ZNF862: variants seen among roughly 807,000 people sequenced by gnomAD.
ZNF862 encodes zinc finger protein 862.
In ZNF862, 64 loss-of-function variants were observed where a neutral mutation model predicts 91.1. The ratio of observed to expected loss-of-function variants is 0.70; its 90% CI spans 0.57 to 0.87. ZNF862 has a LOEUF of 0.87. Among genes scored for constraint, ZNF862 ranks in the 40% least tolerant of loss-of-function variants. The pLI, the probability that ZNF862 is intolerant of heterozygous loss-of-function variation, is 0.00. For missense variants in ZNF862, 1,459 were observed against 1,528.0 expected (o/e 0.95, Z 0.75); for synonymous variants, 631 against 618.1 (o/e 1.02, Z -0.31).
At position 149,846,199 on chromosome 7, in the gene ZNF862, C is replaced by T; in HGVS notation, c.185C>T (p.Pro62Leu). The change falls in exon 3 of 8, where the codon CCA (proline) becomes CTA (leucine). Residue 62 changes from proline (P) to leucine (L), a missense_variant. Coordinates refer to ENST00000223210, the MANE Select transcript of ZNF862 (RefSeq NM_001099220.3). ...CTGTTCCGCAAGTTCGGACGAGGGC[C>T]AGAGCCATGGCTTGGCAGCGTCCAG... ...PELFRKFGRGPEPWLGSVQGQ... is the reference protein window; with the variant it reads ...PELFRKFGRGLEPWLGSVQGQ... 6.2e-7 allele frequency: 1 copy of T among 1,613,828 alleles called. No individual in the cohort carries two copies. The highest frequency in any genetic ancestry group is 8.5e-7 in the Non-Finnish European group (1 of 1,179,850).
At chr7:149,841,919 T>C (rs763831891) in intron 1 of ZNF862, among the ~76,000 whole-genome samples, 6 of 152,196 alleles carry the variant, frequency 3.9e-5, no homozygotes, top group African/African-American at 7.2e-5. Context: ...GTAATAAATG[T>C]GTGTTGAATG....
intron 2 of ZNF862, 123 bp downstream of exon 2, chr7:149,844,859 C>A: frequency 1.5e-6 from 1 of 666,400 alleles, no homozygotes; most frequent in South Asian, 1.8e-5. Context: ...CATCTTTACT[C>A]CACCTGTCTG....
chr7:149,859,549 C>A, intron 6 of ZNF862, 23 bp downstream of exon 6: 1 of 1,535,942 alleles, frequency 6.5e-7, no homozygotes, highest in Non-Finnish European at 8.8e-7. Flanking sequence ...CTACAGCATT[C>A]TGAAGGACAT....
intron 1 of ZNF862, chr7:149,841,789 T>C: frequency 1.0e-6 from 1 of 982,102 alleles, no homozygotes. Context: ...TACTCCTTTC[T>C]CATTTTTTTC....
chr7:149,849,383 C>T (rs528018745), intron 4 of ZNF862, among the ~76,000 whole-genome samples: 12 of 152,206 alleles, frequency 7.9e-5, no homozygotes, highest in Admixed American at 1.3e-4. Context: ...AGTACTCTAG[C>T]GCCCACCTTA....
chr7:149,847,807 C>T lies in ZNF862; in HGVS notation c.314C>T (p.Pro105Leu), dbSNP rs768014175. Residue 105 changes from proline (P) to leucine (L), a missense_variant, in exon 4 of 8, where the codon CCG becomes CTG. Transcript: ENST00000223210. The part of the protein sequence containing the change: ...GPTRESGQSL[P>L]PQKKAYLSHL... ...ACCAGGGAGAGTGGACAGTCCCTCC[C>T]GCCTCAGAAGAAAGCCTACCTTTCC... is the stretch of plus-strand genomic sequence containing the variant. 55 of 1,613,682 alleles carry T rather than the reference C, an allele frequency of 3.4e-5. No individual in the cohort carries two copies. The South Asian group carries it at 3.6e-4, about 11-fold the overall frequency.
rs769634443 is a variant in ZNF862, at chr7:149,861,182, C to T, written c.2022C>T (p.Ile674=). ...SETADGYFET[I]VSALDELDIP... ...CAGCAGATGGGTACTTCGAGACCAT[C>T]GTTTCTGCCCTGGATGAGCTGGACA... Residue 674 remains isoleucine (I), a synonymous_variant, in exon 7 of 8, where the codon ATC becomes ATT. Coordinates refer to ENST00000223210, the MANE Select transcript of ZNF862 (RefSeq NM_001099220.3). This position sits in a 1 kb window ranked among gnomAD's most constrained non-coding sequence, Gnocchi z 6.7. 1.4e-5 allele frequency: 22 copies of T among 1,612,676 alleles called. No homozygotes were observed. Among genetic ancestry groups the T allele is most frequent in the South Asian group, 6.6e-5 (6 of 90,952 alleles).
Position 149,866,461 on chromosome 7 carries a change from C to T in ZNF862, c.*2177C>T, listed in dbSNP as rs10224299. The T allele has an allele frequency of 0.051, 7,752 of 152,254 alleles. 639 individuals carry two copies. The highest frequency in any genetic ancestry group is 0.18 in the African/African-American group (7,322 of 41,490). 9.4% of individuals were successfully genotyped at this position (152,254 alleles called of 1,614,324 possible). On this transcript the variant is annotated 3_prime_UTR_variant, in exon 8 of 8. Transcript: ENST00000223210. ...GCTGTTCCAGCACACATGCTTCCTG[C>T]GGCCTCTTCATCCTTGAAGAATCCC...
In ZNF862 at chr7:149,864,419, C is replaced by A. The variant is rs575406810; in HGVS notation, c.*135C>A. On this transcript the variant is annotated 3_prime_UTR_variant, in exon 8 of 8. Coordinates refer to ENST00000223210, the MANE Select transcript of ZNF862 (RefSeq NM_001099220.3). ...AGCACCAGGAAGTGGGCAGTGGCAT[C>A]CCAGAGCAGCAGGGGTATCAGGAGG... 3.3e-6 allele frequency: 3 copies of A among 895,850 alleles called. No individual in the cohort carries two copies. The highest frequency in any genetic ancestry group is 5.0e-6 in the Non-Finnish European group (3 of 603,678). The allele number at this position is 895,850 out of a possible 1,614,324, so 55.5% of individuals were successfully genotyped here. A position where few individuals can be genotyped will look rare whatever the true frequency, so the allele number is the denominator to read the frequency against.
intron 2 of ZNF862, chr7:149,845,041 T>C (rs1563116598): frequency 6.1e-6 from 2 of 325,996 alleles, no homozygotes; most frequent in Admixed American, 4.8e-5. Flanking sequence ...ACTCGGAAAC[T>C]AGGCCTGTGG....
At chr7:149,840,866 C>T in intron 1 of ZNF862, 1 of 850,658 alleles carries the variant, frequency 1.2e-6, no homozygotes, top group Non-Finnish European at 1.4e-6. Flanking sequence ...GACAGAACTG[C>T]CTAAGGACAC....
chr7:149,841,826 T>C, intron 1 of ZNF862: 1 of 904,118 alleles, frequency 1.1e-6, no homozygotes, highest in Non-Finnish European at 1.3e-6. Context: ...ATTGCACTTA[T>C]ATCTTAGTTG....
intron 5 of ZNF862, among the ~76,000 whole-genome samples, chr7:149,857,466 A>G (rs1484833901): frequency 6.6e-6 from 1 of 151,982 alleles, no homozygotes; most frequent in Non-Finnish European, 1.5e-5. Flanking sequence ...TTTTCTTTCT[A>G]GGAATATTAA....
intron 1 of ZNF862, chr7:149,841,497 T>C: frequency 1.0e-6 from 1 of 982,574 alleles, no homozygotes; most frequent in East Asian, 1.1e-4. Context: ...ATTTGTTGAC[T>C]TGACTCTTAC....
At chr7:149,853,910 C>T (rs533589227) in intron 5 of ZNF862, among the ~76,000 whole-genome samples, 46 of 150,810 alleles carry the variant, frequency 3.1e-4, no homozygotes, top group African/African-American at 1.0e-3. Flanking sequence ...TGTACTCCAG[C>T]CTGGGCGACA....
intron 1 of ZNF862, among the ~76,000 whole-genome samples, chr7:149,840,533 A>G (rs1400442675): frequency 2.0e-5 from 3 of 152,168 alleles, no homozygotes; most frequent in African/African-American, 7.2e-5. Context: ...CTAGGCCTTC[A>G]CATTCTCTCA....
At position 149,846,381 on chromosome 7, in the gene ZNF862, A is replaced by G. The variant is rs1462739658; in HGVS notation, c.241+126A>G. 1.4e-5 allele frequency: 10 copies of G among 695,284 alleles called. No homozygotes were observed. In the South Asian group the frequency reaches 1.5e-4, roughly 10 times the overall value. The allele number at this position is 695,284 out of a possible 1,614,324, so 43.1% of individuals were successfully genotyped here. A position where few individuals can be genotyped will look rare whatever the true frequency, so the allele number is the denominator to read the frequency against. ...CAACTGACACTGCTGTTCTCCTCCC[A>G]GGTGCCATCTGATTAATACCTAAAT... On this transcript the variant is annotated intron_variant, in intron 3 of 7. Transcript: ENST00000223210.
chr7:149,864,318 G>A lies in ZNF862; in HGVS notation c.*34G>A, dbSNP rs763000319. ...GAGTCCTTGGGACTGCCTTGGAGAC[G>A]CCTCTGTGATCACTGGGACAGGCTC... is the stretch of plus-strand genomic sequence containing the variant. On this transcript the variant is annotated 3_prime_UTR_variant, in exon 8 of 8. Coordinates refer to ENST00000223210, the MANE Select transcript of ZNF862 (RefSeq NM_001099220.3). The A allele has an allele frequency of 1.2e-5, 19 of 1,558,426 alleles. No individual in the cohort carries two copies. The highest frequency in any genetic ancestry group is 3.8e-5 in the Admixed American group (2 of 52,322).
At chr7:149,841,749 C>T (rs533189712) in intron 1 of ZNF862, 1 of 985,144 alleles carries the variant, frequency 1.0e-6, no homozygotes, top group Non-Finnish European at 1.2e-6. Flanking sequence ...GTTTCTTGGC[C>T]CTCTCTATCT....
Sources: allele counts gnomAD v4.1 joint callset (sites outside exome capture counted in the v4.1 genomes callset), GRCh38; gene constraint gnomAD v4.1.1; non-coding constraint Gnocchi (gnomAD v3.1); transcripts MANE v1.5; gene names NCBI Gene and HGNC (gene_info 2026-07-23, HGNC 2026-07-21).